PCTP: variants seen among roughly 807,000 people sequenced by gnomAD.
PCTP encodes the protein phosphatidylcholine transfer protein.
In PCTP, 27 loss-of-function variants were observed where a neutral mutation model predicts 31.0. The observed-to-expected ratio is 0.87, with a 90% CI of 0.64 to 1.20. The LOEUF is 1.20. PCTP is among the 50% of genes most tolerant of loss of function. The pLI is 0.00. For missense variants in PCTP, 287 were observed against 268.2 expected, an observed-to-expected ratio of 1.07 and a Z score of -0.49; for synonymous variants, 108 against 101.2, an observed-to-expected ratio of 1.07 and a Z score of -0.40.
chr17:55,825,201 C>A (rs76779937), downstream of PCTP, among the ~76,000 whole-genome samples: 3,545 of 152,208 alleles, frequency 0.023, 147 homozygotes, highest in African/African-American at 0.081. Context: ...GTCTTTTAAT[C>A]CGAGCTCTGA....
downstream of PCTP, among the ~76,000 whole-genome samples, chr17:55,845,445 G>C (rs1901997): frequency 0.36 from 54,172 of 152,054 alleles, 11,875 homozygotes; most frequent in African/African-American, 0.63. Context: ...GACGGCGTCC[G>C]CGGGCCTCAG....
downstream of PCTP, chr17:55,777,379 T>G (rs112931467): frequency 2.3e-3 from 2,240 of 984,238 alleles, 3 homozygotes; most frequent in Non-Finnish European, 2.6e-3. Flanking sequence ...TTTTTACTTG[T>G]CCTGTGTACC....
At chr17:55,811,349 T>G (rs929475255) in intron 3 of PCTP, among the ~76,000 whole-genome samples, 1 of 152,346 alleles carries the variant, frequency 6.6e-6, no homozygotes, top group South Asian at 2.1e-4. Flanking sequence ...TTCCAAGCAC[T>G]TTTCACATAT....
At chr17:55,754,832 C>T (rs1163145897) in intron 1 of PCTP, among the ~76,000 whole-genome samples, 1 of 152,100 alleles carries the variant, frequency 6.6e-6, no homozygotes, top group Non-Finnish European at 1.5e-5. Context: ...TGGATAGAAA[C>T]CTGTGTGCGC....
chr17:55,757,988 T>C (rs1464861248), intron 1 of PCTP, among the ~76,000 whole-genome samples: 2 of 152,176 alleles, frequency 1.3e-5, no homozygotes, highest in African/African-American at 4.8e-5. Context: ...GCTGAGAAGT[T>C]TCCCTGAGAG....
chr17:55,772,070 G>A (rs1037953266), intron 3 of PCTP, among the ~76,000 whole-genome samples: 18 of 152,148 alleles, frequency 1.2e-4, no homozygotes, highest in Non-Finnish European at 2.6e-4. Flanking sequence ...TTCTTCCTCC[G>A]TGGAGTATCA....
chr17:55,759,498 T>G (rs894948414), intron 1 of PCTP, among the ~76,000 whole-genome samples: 1 of 152,224 alleles, frequency 6.6e-6, no homozygotes, highest in African/African-American at 2.4e-5. Flanking sequence ...ACTGCTTTAC[T>G]TTGATGAAAA....
At chr17:55,810,962 C>T (rs1227655991) in intron 3 of PCTP, among the ~76,000 whole-genome samples, 2 of 152,082 alleles carry the variant, frequency 1.3e-5, no homozygotes, top group African/African-American at 4.8e-5. Flanking sequence ...AGAGTTACAC[C>T]CAAGCTGCCA....
At chr17:55,779,420 A>G (rs771817300), downstream of PCTP, among the ~76,000 whole-genome samples, 11 of 152,204 alleles carry the variant, frequency 7.2e-5, no homozygotes, top group African/African-American at 2.2e-4. Context: ...TGACAGAAGA[A>G]CCATTTGCAC....
intron 5 of PCTP, among the ~76,000 whole-genome samples, chr17:55,833,573 C>A (rs1905676512): frequency 6.6e-6 from 1 of 152,176 alleles, no homozygotes; most frequent in Admixed American, 6.5e-5. Flanking sequence ...GTTCCCTAGA[C>A]CAACAGCATC....
At chr17:55,810,950 G>A (rs994106423) in intron 3 of PCTP, among the ~76,000 whole-genome samples, 1 of 152,152 alleles carries the variant, frequency 6.6e-6, no homozygotes, top group Admixed American at 6.5e-5. Context: ...TTCTTTTATT[G>A]CAGAGTTACA....
chr17:55,846,948 T>C (rs1344124564), downstream of PCTP, among the ~76,000 whole-genome samples: 1 of 152,240 alleles, frequency 6.6e-6, no homozygotes, highest in East Asian at 1.9e-4. Flanking sequence ...ACTTAGATTT[T>C]CCTTGCTAGA....
At chr17:55,842,858 T>C (rs931720434), downstream of PCTP, 1 of 152,178 alleles carries the variant, frequency 6.6e-6, no homozygotes, top group South Asian at 2.1e-4. Context: ...TTGTTTTTGA[T>C]TGTAGACCAA....
At chr17:55,835,950 A>G (rs1047480913) in intron 5 of PCTP, among the ~76,000 whole-genome samples, 6 of 152,244 alleles carry the variant, frequency 3.9e-5, no homozygotes, top group African/African-American at 1.4e-4. Flanking sequence ...CTAAATCTGA[A>G]TCAAATGTGC....
At chr17:55,820,431 A>G (rs1296588997) in intron 3 of PCTP, among the ~76,000 whole-genome samples, 2 of 152,204 alleles carry the variant, frequency 1.3e-5, no homozygotes, top group Non-Finnish European at 2.9e-5. Context: ...CTTCCAAAAT[A>G]GTGCCTTGTT....
intron 3 of PCTP, among the ~76,000 whole-genome samples, chr17:55,820,703 TA>T (rs1166011972): frequency 6.6e-6 from 1 of 152,014 alleles, no homozygotes; most frequent in African/African-American, 2.4e-5. Context: ...AAAACTTAAT[TA>T]AAAAATGGAA....
chr17:55,758,766 T>G (rs1230030832), intron 1 of PCTP, among the ~76,000 whole-genome samples: 2 of 152,136 alleles, frequency 1.3e-5, no homozygotes, highest in Non-Finnish European at 2.9e-5. Context: ...GAGTCTCAGT[T>G]TTTCCCTCTC....
chr17:55,805,672 G>A (rs900590211), intron 3 of PCTP, among the ~76,000 whole-genome samples: 2 of 148,796 alleles, frequency 1.3e-5, no homozygotes, highest in Admixed American at 1.3e-4. Flanking sequence ...AAAACAAGAA[G>A]ACAAAACACA....
intron 3 of PCTP, among the ~76,000 whole-genome samples, chr17:55,796,990 A>G (rs1169409657): frequency 1.3e-5 from 2 of 151,974 alleles, no homozygotes; most frequent in East Asian, 3.9e-4. Flanking sequence ...CAAGGATAAT[A>G]TTACTGAAGG....
Sources: gnomAD v4.1 joint callset for allele counts (sites outside exome capture counted in the v4.1 genomes callset) on GRCh38, gnomAD v4.1.1 for gene constraint, MANE v1.5 for transcripts, NCBI Gene and HGNC (gene_info 2026-07-23, HGNC 2026-07-21) for gene names.